The following AEBP2 variants were observed in gnomAD, a reference collection of about 807,000 sequenced individuals.
AEBP2 encodes zinc finger protein AEBP2.
In AEBP2, 10 loss-of-function variants were observed where a neutral mutation model predicts 50.8. The observed-to-expected ratio is 0.20, with a 90% CI of 0.12 to 0.33. The LOEUF (loss-of-function observed/expected upper bound fraction) is 0.33. Among genes scored for constraint, AEBP2 ranks in the 10% least tolerant of loss-of-function variants. AEBP2 has a pLI of 1.00. For missense variants in AEBP2, 570 were observed against 688.0 expected, an observed-to-expected ratio of 0.83 and a Z score of 1.92; for synonymous variants, 296 against 261.3, an observed-to-expected ratio of 1.13 and a Z score of -1.28.
At chr12:19,423,294 A>G (rs905296071) in intron 1 of AEBP2, among the ~76,000 whole-genome samples, 1 of 151,932 alleles carries the variant, frequency 6.6e-6, no homozygotes, top group African/African-American at 2.4e-5. Context: ...ATCCCTCCCC[A>G]TTGCCTTCAG....
chr12:19,511,451 C>G (rs1401109259), intron 5 of AEBP2, among the ~76,000 whole-genome samples: 1 of 152,138 alleles, frequency 6.6e-6, no homozygotes, highest in East Asian at 1.9e-4. Context: ...CCTAGAGAGG[C>G]CAGATCCTGA....
At chr12:19,464,182 G>A (rs1948429991) in intron 2 of AEBP2, among the ~76,000 whole-genome samples, 1 of 152,212 alleles carries the variant, frequency 6.6e-6, no homozygotes, top group African/African-American at 2.4e-5. Context: ...GTAAAACCCA[G>A]CTCAGTGGTT....
chr12:19,440,682 T>C, intron 1 of AEBP2: 1 of 1,533,136 alleles, frequency 6.5e-7, no homozygotes, highest in African/African-American at 1.4e-5. Context: ...CCAGATCCTC[T>C]GGCGGAGCAG....
chr12:19,445,370 C>CTTT (rs55898072), intron 1 of AEBP2, among the ~76,000 whole-genome samples: 3 of 135,608 alleles, frequency 2.2e-5, no homozygotes, highest in African/African-American at 5.4e-5. Flanking sequence ...TGCTCGTTTT[C>CTTT]TTTTTTTTTT....
At chr12:19,440,500 C>T (rs917726049) in intron 1 of AEBP2, 130 bp downstream of exon 1, 150 of 1,404,380 alleles carry the variant, frequency 1.1e-4, no homozygotes, top group Non-Finnish European at 1.3e-4. Flanking sequence ...CCCAGACTCT[C>T]AACTCGGAAA....
chr12:19,417,689 T>C (rs1169629896), intron 1 of AEBP2, among the ~76,000 whole-genome samples: 2 of 150,624 alleles, frequency 1.3e-5, no homozygotes, highest in Non-Finnish European at 2.9e-5. Flanking sequence ...ATAACAGGTG[T>C]GAGCCACTGA....
intron 5 of AEBP2, among the ~76,000 whole-genome samples, chr12:19,502,709 C>T (rs1421180478): frequency 1.3e-5 from 2 of 151,286 alleles, no homozygotes; most frequent in Non-Finnish European, 2.9e-5. Flanking sequence ...AGTGCAATGG[C>T]ATGATCTCGG....
intron 1 of AEBP2, among the ~76,000 whole-genome samples, chr12:19,442,988 C>T (rs957894428): frequency 6.6e-6 from 1 of 152,162 alleles, no homozygotes; most frequent in African/African-American, 2.4e-5. Flanking sequence ...ATTCCTATTA[C>T]AAAGATTCTA....
chr12:19,514,840 A>G (rs1949295570), intron 7 of AEBP2, 56 bp downstream of exon 7: 4 of 1,361,180 alleles, frequency 2.9e-6, no homozygotes, highest in African/African-American at 1.5e-5. Context: ...TTCTCTCCCC[A>G]AATTTTGGAT....
chr12:19,413,002 C>T (rs941495202), intron 1 of AEBP2, among the ~76,000 whole-genome samples: 1 of 152,184 alleles, frequency 6.6e-6, no homozygotes, highest in African/African-American at 2.4e-5. Flanking sequence ...GGACCTGCCC[C>T]GGCGTTGGGG....
In AEBP2 at chr12:19,440,710, C is replaced by T. The variant is rs1223635589; in HGVS notation, c.671+340C>T. ...CGGAGCAGAAGAGGGCCTTGATGTA[C>T]ACACGTCGGTACTCAAGGTTAGCTT... On this transcript the variant is annotated intron_variant, in intron 1 of 7. Transcript: ENST00000266508. The T allele has an allele frequency of 2.6e-6, 4 of 1,533,376 alleles. No homozygotes were observed. The Admixed American group carries it at 5.9e-5, about 23-fold the overall frequency. The allele number at this position is 1,533,376 out of a possible 1,614,324, so 95.0% of individuals were successfully genotyped here.
At chr12:19,450,302 T>C (rs1948144016) in intron 1 of AEBP2, among the ~76,000 whole-genome samples, 1 of 151,822 alleles carries the variant, frequency 6.6e-6, no homozygotes, top group Admixed American at 6.6e-5. Flanking sequence ...AGTTCTAAAT[T>C]TGGGACAATT....
chr12:19,520,183 CCTTG>C lies in AEBP2; in HGVS notation c.*2071_*2074del, dbSNP rs1425879523. 6.6e-6 allele frequency: 1 copy of C among 152,334 alleles called. No individual in the cohort carries two copies. The highest frequency in any genetic ancestry group is 1.5e-5 in the Non-Finnish European group (1 of 67,986). The allele number at this position is 152,334 out of a possible 1,614,324, so 9.4% of individuals were successfully genotyped here. ...TTCTTAATTGACCAATGATTGTAGA[CCTTG>C]CTTGAGTATTTTTTCTAATAAAACA... On this transcript the variant is annotated 3_prime_UTR_variant, in exon 8 of 8. Transcript: ENST00000266508.
intron 3 of AEBP2, 40 bp from the exon 4 acceptor site, chr12:19,493,760 A>G: frequency 6.3e-7 from 1 of 1,591,904 alleles, no homozygotes; most frequent in African/African-American, 1.3e-5. Flanking sequence ...CGTGCCCTAC[A>G]CAGCATGCCT....
chr12:19,419,894 C>T (rs1011523043), intron 1 of AEBP2, among the ~76,000 whole-genome samples: 30 of 152,208 alleles, frequency 2.0e-4, no homozygotes, highest in African/African-American at 6.5e-4. Context: ...CGCACCACTG[C>T]GCTCCAGCCT....
At chr12:19,415,350 AATATATATATAT>A (rs1565694765) in intron 1 of AEBP2, among the ~76,000 whole-genome samples, 40 of 28,512 alleles carry the variant, frequency 1.4e-3, no homozygotes, top group African/African-American at 6.1e-3. Context: ...AAAAAAAAAA[AATATATATATAT>A]ATATATATAT....
chr12:19,436,263 T>C (rs1370723935), upstream of AEBP2, among the ~76,000 whole-genome samples: 2 of 152,134 alleles, frequency 1.3e-5, no homozygotes, highest in African/African-American at 4.8e-5. Context: ...GAAGTTACCC[T>C]ATCGTCTAAA....
At chr12:19,462,082 C>T (rs1948389236) in intron 1 of AEBP2, among the ~76,000 whole-genome samples, 1 of 152,108 alleles carries the variant, frequency 6.6e-6, no homozygotes, top group Non-Finnish European at 1.5e-5. Flanking sequence ...GAAGAGATTT[C>T]AGGTCAACAA....
chr12:19,510,914 G>T (rs541074862), intron 5 of AEBP2, among the ~76,000 whole-genome samples: 4 of 126,128 alleles, frequency 3.2e-5, no homozygotes, highest in Middle Eastern at 5.3e-3. Context: ...AGCCTGGAGT[G>T]CAGTGGCGCA....
Sources: allele counts gnomAD v4.1 joint callset (sites outside exome capture counted in the v4.1 genomes callset), GRCh38; gene constraint gnomAD v4.1.1; transcripts MANE v1.5; gene names NCBI Gene and HGNC (gene_info 2026-07-23, HGNC 2026-07-21).